Variants in TMEM161B observed in about 807,000 individuals in gnomAD.
The protein encoded by TMEM161B is transmembrane protein 161B.
Under a neutral mutation model 61.8 loss-of-function variants are expected in TMEM161B, and 34 were observed. That is an observed-to-expected ratio of 0.55 (90% CI 0.42 to 0.73). The LOEUF is 0.73. Among genes scored for constraint, TMEM161B ranks in the 30% least tolerant of loss-of-function variants. The pLI is 0.00. For synonymous variants in TMEM161B, 167 were observed against 192.8 expected, an observed-to-expected ratio of 0.87 and a Z score of 1.11; for missense variants, 456 against 558.5, an observed-to-expected ratio of 0.82 and a Z score of 1.85.
intron 4 of TMEM161B, among the ~76,000 whole-genome samples, chr5:88,224,264 C>G (rs1450971634): frequency 1.3e-5 from 2 of 152,098 alleles, no homozygotes; most frequent in African/African-American, 4.8e-5. Flanking sequence ...AATACAAATT[C>G]CTAAAACCTA....
downstream of TMEM161B, among the ~76,000 whole-genome samples, chr5:88,194,032 C>T (rs568114243): frequency 3.3e-5 from 5 of 152,192 alleles, no homozygotes; most frequent in Non-Finnish European, 5.9e-5. Context: ...ATACATGTGC[C>T]GGTTTGCTAT....
At chr5:88,187,514 G>C (rs1279952989), downstream of TMEM161B, among the ~76,000 whole-genome samples, 8 of 152,120 alleles carry the variant, frequency 5.3e-5, no homozygotes, top group Non-Finnish European at 8.8e-5. Flanking sequence ...ATTTTGTAGA[G>C]TTCAGTGTAC....
In TMEM161B at chr5:88,196,008, C is replaced by T. The variant is rs1313251366; in HGVS notation, c.*203G>A. Reference sequence around the variant, plus strand: ...TTAAAATTCCAATGCCACAGTGTAACAGTTAACAATCTATTTTGTAATTTT... The same window carrying T: ...TTAAAATTCCAATGCCACAGTGTAATAGTTAACAATCTATTTTGTAATTTT... On this transcript the variant is annotated 3_prime_UTR_variant, in exon 12 of 12. Transcript: ENST00000296595. 3.2e-5 allele frequency: 43 copies of T among 1,353,550 alleles called. No individual in the cohort carries two copies. Among genetic ancestry groups the T allele is most frequent in the South Asian group, 7.0e-5 (4 of 57,394 alleles). 83.8% of individuals were successfully genotyped at this position (1,353,550 alleles called of 1,614,324 possible).
At chr5:88,217,707 A>G (rs1249837771) in intron 5 of TMEM161B, among the ~76,000 whole-genome samples, 1 of 152,158 alleles carries the variant, frequency 6.6e-6, no homozygotes, top group Non-Finnish European at 1.5e-5. Flanking sequence ...TGGAGAGGGT[A>G]AAAAGATAAT....
chr5:88,206,393 T>A (rs1162994670), intron 7 of TMEM161B, 46 bp downstream of exon 7: 1 of 1,455,578 alleles, frequency 6.9e-7, no homozygotes. Flanking sequence ...TTATTAAAAA[T>A]AGAAAAGGTT....
At chr5:88,188,881 G>T (rs1045458851), downstream of TMEM161B, among the ~76,000 whole-genome samples, 2 of 152,190 alleles carry the variant, frequency 1.3e-5, no homozygotes, top group Non-Finnish European at 2.9e-5. Flanking sequence ...GCACCGGCTG[G>T]TCTTGCCACT....
At chr5:88,247,775 C>G (rs1418433920) in intron 1 of TMEM161B, among the ~76,000 whole-genome samples, 4 of 152,024 alleles carry the variant, frequency 2.6e-5, no homozygotes, top group African/African-American at 4.8e-5. Flanking sequence ...CTCAACTACC[C>G]GGTTACTGAT....
intron 5 of TMEM161B, among the ~76,000 whole-genome samples, chr5:88,210,688 GA>G (rs1401953294): frequency 2.4e-4 from 37 of 152,284 alleles, no homozygotes; most frequent in African/African-American, 8.4e-4. Flanking sequence ...CCAGGCAGGA[GA>G]TTAAGAGATT....
chr5:88,232,581 T>C (rs1751180274), intron 2 of TMEM161B, among the ~76,000 whole-genome samples: 1 of 216 alleles, frequency 4.6e-3, no homozygotes, highest in South Asian at 0.25. Flanking sequence ...ATTTTCTTAT[T>C]TTTTTTTTCT....
Position 88,228,449 on chromosome 5 carries a change from C to A in TMEM161B, c.187G>T (p.Asp63Tyr), listed in dbSNP as rs1353875162. 8 of 1,601,398 alleles carry A rather than the reference C, an allele frequency of 5.0e-6. No homozygotes were observed. The South Asian group carries it at 9.1e-5, about 18-fold the overall frequency. Residue 63 changes from aspartate (D) to tyrosine (Y), a missense_variant, in exon 3 of 12, where the codon GAT becomes TAT. By Grantham distance (160) the Asp-to-Tyr change is radical (BLOSUM62 -3). This residue lies in a region of TMEM161B where 85 missense variants were observed against 111.2 expected (regional missense o/e 0.76). Coordinates refer to ENST00000296595, the MANE Select transcript of TMEM161B (RefSeq NM_153354.5). ...GKQQKGKTKKDRKYNGHIESK... is the reference protein window; with the variant it reads ...GKQQKGKTKKYRKYNGHIESK... ...TACAAGCTCAATAAAACTTACCTATCTTTTTTGGTTTTCCCTTTTTGTTGT... is the reference window on the plus strand; with the variant it reads ...TACAAGCTCAATAAAACTTACCTATATTTTTTGGTTTTCCCTTTTTGTTGT...
At chr5:88,266,180 C>T (rs529216004) in intron 1 of TMEM161B, among the ~76,000 whole-genome samples, 9 of 152,216 alleles carry the variant, frequency 5.9e-5, no homozygotes, top group African/African-American at 1.4e-4. Flanking sequence ...TATTGAGTAT[C>T]GGTATACATA....
intron 8 of TMEM161B, among the ~76,000 whole-genome samples, chr5:88,205,050 A>G (rs754502418): frequency 2.6e-5 from 4 of 152,200 alleles, no homozygotes; most frequent in Admixed American, 2.6e-4. Flanking sequence ...CTTCTACTGC[A>G]AAACAAAACG....
chr5:88,249,557 G>C (rs1028582277), intron 1 of TMEM161B, among the ~76,000 whole-genome samples: 2 of 151,980 alleles, frequency 1.3e-5, no homozygotes, highest in Admixed American at 1.3e-4. Flanking sequence ...AACTCAGATC[G>C]TAATTTTCCA....
chr5:88,251,533 T>C (rs1223995777), intron 1 of TMEM161B, among the ~76,000 whole-genome samples: 3 of 152,150 alleles, frequency 2.0e-5, no homozygotes, highest in Admixed American at 6.6e-5. Flanking sequence ...AGTTAAACTA[T>C]AAAATAAATG....
Position 88,196,395 on chromosome 5 carries a change from G to C in TMEM161B, c.1280C>G (p.Ser427Ter). The C allele has an allele frequency of 6.2e-7, 1 of 1,613,396 alleles. No individual in the cohort carries two copies. Among genetic ancestry groups the C allele is most frequent in the South Asian group, 1.1e-5 (1 of 91,060 alleles). Residue 427 changes from serine (S) to a stop codon, truncating the protein, a stop_gained, in exon 12 of 12, where the codon TCA becomes TGA. Coordinates refer to ENST00000296595, the MANE Select transcript of TMEM161B (RefSeq NM_153354.5). LOFTEE classifies it high-confidence loss of function. The part of the protein sequence containing the change: ...LSNSVYSELP[S>*]AEGKMKVTVT... ...AGTTACCTTCATTTTCCCTTCAGCT[G>C]ATGGTAATTCAGAGTAAACAGAATT...
intron 3 of TMEM161B, among the ~76,000 whole-genome samples, chr5:88,226,137 A>C (rs1750016370): frequency 6.6e-6 from 1 of 152,174 alleles, no homozygotes; most frequent in Non-Finnish European, 1.5e-5. Context: ...TTTCTAGCTT[A>C]GCATTTCACA....
intron 1 of TMEM161B, among the ~76,000 whole-genome samples, chr5:88,250,500 T>A (rs1295085008): frequency 6.6e-6 from 1 of 152,122 alleles, no homozygotes; most frequent in African/African-American, 2.4e-5. Context: ...AAAAGTGTTT[T>A]TCCAAACAAG....
At chr5:88,217,024 A>C (rs1416880509) in intron 5 of TMEM161B, among the ~76,000 whole-genome samples, 1 of 152,224 alleles carries the variant, frequency 6.6e-6, no homozygotes, top group South Asian at 2.1e-4. Flanking sequence ...TACTGTAGAC[A>C]TGAGGTACCT....
At chr5:88,225,688 T>C in intron 4 of TMEM161B, 81 bp downstream of exon 4, 1 of 862,848 alleles carries the variant, frequency 1.2e-6, no homozygotes, top group East Asian at 2.6e-5. Context: ...TATAATGGAC[T>C]TAATGATTAA....
Sources: gnomAD v4.1 joint callset for allele counts (sites outside exome capture counted in the v4.1 genomes callset) on GRCh38, gnomAD v4.1.1 for gene constraint, gnomAD v4.1.1 regional missense constraint, MANE v1.5 for transcripts, NCBI Gene and HGNC (gene_info 2026-07-23, HGNC 2026-07-21) for gene names.